Variants in HDAC9 observed in about 807,000 individuals in gnomAD.
HDAC9 encodes MEF-2 interacting transcription repressor (MITR) protein.
A neutral mutation model predicts 139.4 loss-of-function variants in HDAC9; 41 were observed. The observed-to-expected ratio is 0.29, with a 90% confidence interval of 0.23 to 0.38. HDAC9 has a LOEUF of 0.38. Ranked by LOEUF, HDAC9 falls within the 10% of genes least tolerant of loss-of-function variation. HDAC9 has a pLI of 1.00. For synonymous variants in HDAC9, 517 were observed against 476.2 expected (o/e 1.09, Z -1.12); for missense variants, 1,147 against 1,297.0 (o/e 0.88, Z 1.78).
intron 21 of HDAC9, among the ~76,000 whole-genome samples, chr7:18,852,317 A>C (rs1797359381): frequency 6.6e-6 from 1 of 152,156 alleles, no homozygotes; most frequent in Non-Finnish European, 1.5e-5. Flanking sequence ...AAGGACTCTT[A>C]ATCCAAGTCT....
At chr7:18,914,529 C>G (rs1336154968) in intron 22 of HDAC9, among the ~76,000 whole-genome samples, 2 of 151,786 alleles carry the variant, frequency 1.3e-5, no homozygotes, top group African/African-American at 4.8e-5. Context: ...TACATAATGC[C>G]TTTGTTTCTA....
chr7:18,945,319 A>G (rs1007782988), intron 23 of HDAC9, among the ~76,000 whole-genome samples: 1 of 152,206 alleles, frequency 6.6e-6, no homozygotes, highest in Non-Finnish European at 1.5e-5. Flanking sequence ...TCATTTGTAC[A>G]TACTGTTTTT....
In HDAC9 at chr7:18,953,706, A is replaced by T. The variant is rs530561615; in HGVS notation, c.2938-440A>T. 1.1e-4 allele frequency among the ~76,000 whole-genome samples: 17 copies of T among 152,212 alleles called. No homozygotes were observed. In the East Asian group the frequency reaches 3.3e-3, roughly 29 times the overall value. On this transcript the variant is annotated intron_variant, in intron 23 of 25. Transcript: ENST00000686413. ...TTTCTATCGTGAAGTGTTCAAATGT[A>T]TAAGGTGGTTGGATGTAAAAACACT... is the stretch of plus-strand genomic sequence containing the variant.
chr7:18,111,164 C>T (rs975625289), intron 1 of HDAC9, among the ~76,000 whole-genome samples: 2 of 152,082 alleles, frequency 1.3e-5, no homozygotes, highest in Non-Finnish European at 2.9e-5. Context: ...GAGAGACAGA[C>T]GTAAATAATT....
At chr7:18,451,100 G>A (rs1054709255) in intron 1 of HDAC9, among the ~76,000 whole-genome samples, 1 of 152,132 alleles carries the variant, frequency 6.6e-6, no homozygotes, top group African/African-American at 2.4e-5. Flanking sequence ...AGGTCAGAAT[G>A]GCCTTGCCCT....
chr7:18,699,034 C>T (rs1783261961), intron 12 of HDAC9, among the ~76,000 whole-genome samples: 1 of 152,104 alleles, frequency 6.6e-6, no homozygotes, highest in African/African-American at 2.4e-5. Flanking sequence ...GACTCTGTTC[C>T]TCTTCAGCAC....
chr7:18,292,097 C>T (rs191168686), intron 1 of HDAC9, among the ~76,000 whole-genome samples: 21 of 152,158 alleles, frequency 1.4e-4, no homozygotes, highest in African/African-American at 5.1e-4. Context: ...AGGACCTTCC[C>T]TAAGCTATTT....
intron 14 of HDAC9, among the ~76,000 whole-genome samples, chr7:18,752,453 T>C (rs1295797670): frequency 6.6e-6 from 1 of 152,096 alleles, no homozygotes; most frequent in Admixed American, 6.6e-5. Context: ...ATAAAGAGAA[T>C]CAAGGCTCAA....
chr7:18,916,588 T>TG (rs1300289155), intron 22 of HDAC9, among the ~76,000 whole-genome samples: 1 of 151,910 alleles, frequency 6.6e-6, no homozygotes, highest in Non-Finnish European at 1.5e-5. Flanking sequence ...AAAATGTTGA[T>TG]GAATTCTATT....
At chr7:18,711,342 C>A (rs1008082420) in intron 12 of HDAC9, among the ~76,000 whole-genome samples, 1 of 152,158 alleles carries the variant, frequency 6.6e-6, no homozygotes, top group African/African-American at 2.4e-5. Context: ...CTGGTTCCGG[C>A]TGCTGTCAAC....
chr7:18,183,118 T>C (rs966091442), intron 2 of HDAC9, among the ~76,000 whole-genome samples: 1 of 152,000 alleles, frequency 6.6e-6, no homozygotes, highest in Non-Finnish European at 1.5e-5. Flanking sequence ...CACGCCATTC[T>C]CCTGCCTCAG....
chr7:18,586,622 C>T (rs1199359526), intron 3 of HDAC9, among the ~76,000 whole-genome samples: 13 of 151,858 alleles, frequency 8.6e-5, no homozygotes, highest in Non-Finnish European at 8.8e-5. Flanking sequence ...ATCTTCTTCT[C>T]TATATTACTT....
chr7:18,605,211 C>T (rs1308687670), intron 6 of HDAC9, among the ~76,000 whole-genome samples: 1 of 152,114 alleles, frequency 6.6e-6, no homozygotes, highest in Non-Finnish European at 1.5e-5. Context: ...AGTTTTAATT[C>T]ACTGTTATAA....
At chr7:18,268,539 G>A (rs558147829) in intron 2 of HDAC9, among the ~76,000 whole-genome samples, 1 of 152,106 alleles carries the variant, frequency 6.6e-6, no homozygotes, top group Admixed American at 6.5e-5. Context: ...AGGCTCAAGA[G>A]CCTCAATTTT....
At chr7:18,830,773 C>G (rs940874925) in intron 19 of HDAC9, among the ~76,000 whole-genome samples, 1 of 152,162 alleles carries the variant, frequency 6.6e-6, no homozygotes, top group Non-Finnish European at 1.5e-5. Flanking sequence ...TTTCCATACA[C>G]GCCTGAGTCT....
intron 22 of HDAC9, among the ~76,000 whole-genome samples, chr7:18,874,970 C>A (rs1799209994): frequency 6.6e-6 from 1 of 152,062 alleles, no homozygotes; most frequent in Admixed American, 6.5e-5. Context: ...TTCCATTGTA[C>A]ATGGGATAAA....
intron 6 of HDAC9, among the ~76,000 whole-genome samples, chr7:18,603,095 G>C (rs1834438018): frequency 6.6e-6 from 1 of 151,970 alleles, no homozygotes; most frequent in Non-Finnish European, 1.5e-5. Context: ...TTTGAAATCT[G>C]CTCTGTCTGA....
At chr7:18,167,271 A>G (rs1049557595) in intron 2 of HDAC9, among the ~76,000 whole-genome samples, 1 of 151,916 alleles carries the variant, frequency 6.6e-6, no homozygotes, top group Non-Finnish European at 1.5e-5. Flanking sequence ...AAACTTCTCA[A>G]TCTGATATTC....
chr7:18,681,462 C>G (rs933518813), intron 12 of HDAC9, among the ~76,000 whole-genome samples: 3 of 151,648 alleles, frequency 2.0e-5, no homozygotes, highest in African/African-American at 7.3e-5. Flanking sequence ...TCTTTAGTTT[C>G]AAAGCTTTAA....
Sources: allele counts gnomAD v4.1 joint callset (sites outside exome capture counted in the v4.1 genomes callset), GRCh38; gene constraint gnomAD v4.1.1; transcripts MANE v1.5; gene names NCBI Gene and HGNC (gene_info 2026-07-23, HGNC 2026-07-21).